Variants in PICALM observed in about 807,000 individuals in gnomAD.
PICALM encodes phosphatidylinositol-binding clathrin assembly protein.
A neutral mutation model predicts 80.5 loss-of-function variants in PICALM; 40 were observed. That is an observed-to-expected ratio of 0.50 (90% CI 0.39 to 0.65). PICALM has a LOEUF of 0.65. Among genes scored for constraint, PICALM ranks in the 30% least tolerant of loss-of-function variants. The probability of loss-of-function intolerance (pLI) is 0.00; values close to 1 mark genes in which losing one functional copy is unlikely to be tolerated. For missense variants in PICALM, 676 were observed against 778.9 expected, an observed-to-expected ratio of 0.87 and a Z score of 1.57; for synonymous variants, 288 against 260.3, an observed-to-expected ratio of 1.11 and a Z score of -1.02.
At chr11:86,054,462 C>T in intron 1 of PICALM, among the ~76,000 whole-genome samples, 1 of 152,168 alleles carries the variant, frequency 6.6e-6, no homozygotes, top group South Asian at 2.1e-4. Context: ...CCAGCCTCAT[C>T]TCCCCTTACT....
intron 1 of PICALM, among the ~76,000 whole-genome samples, chr11:86,056,146 A>AAAAAAAAAG (rs1229197701): frequency 3.4e-5 from 5 of 149,188 alleles, no homozygotes; most frequent in African/African-American, 1.2e-4. Flanking sequence ...AAAAAAAAAA[A>AAAAAAAAAG]AAAAGAAAAA....
At chr11:85,989,753 A>T (rs1230918951) in intron 13 of PICALM, among the ~76,000 whole-genome samples, 1 of 152,126 alleles carries the variant, frequency 6.6e-6, no homozygotes, top group Non-Finnish European at 1.5e-5. Flanking sequence ...AATGGGATAA[A>T]AGATATGCAT....
intron 8 of PICALM, among the ~76,000 whole-genome samples, chr11:86,004,932 A>C (rs1002746674): frequency 1.1e-4 from 16 of 152,366 alleles, no homozygotes; most frequent in African/African-American, 3.8e-4. Flanking sequence ...AATGTTTGCT[A>C]ATCAGCAAGC....
At chr11:85,975,296 T>C (rs1592430003) in intron 18 of PICALM, among the ~76,000 whole-genome samples, 1 of 97,346 alleles carries the variant, frequency 1.0e-5, no homozygotes, top group Non-Finnish European at 2.4e-5. Flanking sequence ...TTTTATTTCA[T>C]ATAAGAATCA....
rs1318170664 is a variant in PICALM at position 85,968,754 on chromosome 11, AAGCACAGAAG to A, written c.1944+5944_1944+5953del. On this transcript the variant is annotated intron_variant, in intron 19 of 19. Coordinates refer to ENST00000393346, the MANE Select transcript of PICALM (RefSeq NM_007166.4). ...GTAACCAAATAGTAAGACTGTGAGG[AAGCACAGAAG>A]AGAAACAAAAGGAAAACCACAAGGA... Among the ~76,000 whole-genome samples, 5 of 152,262 alleles carry A rather than the reference AAGCACAGAAG, an allele frequency of 3.3e-5. No homozygotes were observed. The East Asian group carries it at 9.7e-4, about 29-fold the overall frequency.
chr11:86,033,181 A>C (rs1247137263), intron 1 of PICALM, among the ~76,000 whole-genome samples: 1 of 152,198 alleles, frequency 6.6e-6, no homozygotes, highest in African/African-American at 2.4e-5. Context: ...ATGGCACTGA[A>C]CATATTACAC....
At chr11:86,053,828 A>G (rs2096229880) in intron 1 of PICALM, among the ~76,000 whole-genome samples, 1 of 152,252 alleles carries the variant, frequency 6.6e-6, no homozygotes, top group Middle Eastern at 3.4e-3. Flanking sequence ...TCGGCCTCCC[A>G]AAGTTCTGGA....
intron 19 of PICALM, chr11:85,974,345 T>C (rs769027906): frequency 1.0e-5 from 4 of 396,224 alleles, no homozygotes; most frequent in Non-Finnish European, 2.0e-5. Context: ...TGTAGCATCA[T>C]TCTAGCCATT....
At chr11:86,023,354 C>T in intron 3 of PICALM, 1 of 482,694 alleles carries the variant, frequency 2.1e-6, no homozygotes, top group Non-Finnish European at 2.7e-6. Context: ...TATTAAGTAC[C>T]AGTGGAGAAA....
chr11:86,040,576 C>T (rs1056176212), intron 1 of PICALM, among the ~76,000 whole-genome samples: 1 of 152,090 alleles, frequency 6.6e-6, no homozygotes, highest in African/African-American at 2.4e-5. Flanking sequence ...CTGACTGCTT[C>T]ATCTATATCC....
intron 1 of PICALM, among the ~76,000 whole-genome samples, chr11:86,038,143 A>C (rs1009945602): frequency 3.9e-5 from 6 of 152,112 alleles, no homozygotes; most frequent in African/African-American, 7.2e-5. Context: ...AATATGGTGA[A>C]ACCCTGTCTC....
At chr11:86,027,361 C>A (rs939233473) in intron 2 of PICALM, among the ~76,000 whole-genome samples, 4 of 152,128 alleles carry the variant, frequency 2.6e-5, no homozygotes, top group African/African-American at 9.7e-5. Context: ...GTCTCCTTCA[C>A]ATACAGCCTC....
chr11:86,026,007 TATA>T (rs2095644320), intron 3 of PICALM, among the ~76,000 whole-genome samples: 1 of 152,184 alleles, frequency 6.6e-6, no homozygotes, highest in African/African-American at 2.4e-5. Flanking sequence ...CCCAAGTTCA[TATA>T]GCTGGTAGGC....
At chr11:85,995,825 AT>A (rs1317645248) in intron 12 of PICALM, among the ~76,000 whole-genome samples, 6 of 152,188 alleles carry the variant, frequency 3.9e-5, no homozygotes, top group African/African-American at 7.2e-5. Context: ...TCTATAGTTC[AT>A]TCTGAAATAA....
chr11:86,049,958 A>G (rs1381582363), intron 1 of PICALM, among the ~76,000 whole-genome samples: 2 of 151,772 alleles, frequency 1.3e-5, no homozygotes, highest in African/African-American at 4.8e-5. Context: ...CCAGCACTTT[A>G]GGAGGTCAAC....
At chr11:86,063,578 G>A (rs1161674881) in intron 1 of PICALM, among the ~76,000 whole-genome samples, 2 of 152,082 alleles carry the variant, frequency 1.3e-5, no homozygotes, top group African/African-American at 4.8e-5. Flanking sequence ...ATATCTGGGA[G>A]GAAAAAGGAT....
rs933683834 is a variant in PICALM at position 85,958,866 on chromosome 11, G to A, written c.*180C>T. 2.4e-5 allele frequency: 12 copies of A among 502,166 alleles called. No homozygotes were observed. The highest frequency in any genetic ancestry group is 2.1e-4 in the African/African-American group (11 of 52,350). The allele number at this position is 502,166 out of a possible 1,614,324, so 31.1% of individuals were successfully genotyped here. The stretch of plus-strand genomic sequence containing the variant: ...TTGGCTTTATAAACTGTATTGATAC[G>A]TTCTCCTATAAACTAGTCCCAATTT... On this transcript the variant is annotated 3_prime_UTR_variant, in exon 20 of 20. Coordinates refer to ENST00000393346, the MANE Select transcript of PICALM (RefSeq NM_007166.4).
At chr11:86,063,697 T>C (rs1157779778) in intron 1 of PICALM, among the ~76,000 whole-genome samples, 1 of 152,208 alleles carries the variant, frequency 6.6e-6, no homozygotes, top group Non-Finnish European at 1.5e-5. Context: ...GATCAAATCT[T>C]ACTCATTACT....
Position 86,028,480 on chromosome 11 carries a change from G to C in PICALM, c.274-2113C>G, listed in dbSNP as rs191829616. Among the ~76,000 whole-genome samples the C allele has an allele frequency of 3.0e-3, 453 of 152,202 alleles. 3 individuals are homozygous for C. Among genetic ancestry groups the C allele is most frequent in the African/African-American group, 0.01 (435 of 41,520 alleles). On this transcript the variant is annotated intron_variant, in intron 2 of 19. Coordinates refer to ENST00000393346, the MANE Select transcript of PICALM (RefSeq NM_007166.4). Reference sequence around the variant, plus strand: ...ATACTTTATAATAAATCCATGCTTGGTACTTCTCTTTTCTAATTTCATCTA... The same window carrying C: ...ATACTTTATAATAAATCCATGCTTGCTACTTCTCTTTTCTAATTTCATCTA...
Sources: gnomAD v4.1 joint callset for allele counts (sites outside exome capture counted in the v4.1 genomes callset) on GRCh38, gnomAD v4.1.1 for gene constraint, MANE v1.5 for transcripts, NCBI Gene and HGNC (gene_info 2026-07-23, HGNC 2026-07-21) for gene names.